The following EXTL3 variants were observed in gnomAD, a reference collection of about 807,000 sequenced individuals.
EXTL3 encodes exostosin like glycosyltransferase 3.
Under a neutral mutation model 69.3 loss-of-function variants are expected in EXTL3, and 27 were observed. The ratio of observed to expected loss-of-function variants is 0.39; its 90% CI spans 0.29 to 0.54. The LOEUF (loss-of-function observed/expected upper bound fraction) is 0.54, where lower values mean the gene tolerates loss of function less well. EXTL3 is among the 20% of genes least tolerant of loss of function. The pLI is 0.69. For missense variants in EXTL3, 1,003 were observed against 1,231.8 expected, an observed-to-expected ratio of 0.81 and a Z score of 2.78; for synonymous variants, 511 against 499.4, an observed-to-expected ratio of 1.02 and a Z score of -0.31.
At chr8:28,731,815 G>A (rs1801544646) in intron 4 of EXTL3, among the ~76,000 whole-genome samples, 1 of 152,082 alleles carries the variant, frequency 6.6e-6, no homozygotes, top group African/African-American at 2.4e-5. Flanking sequence ...AAGATTTGGG[G>A]GAAGGAGGGT....
intron 1 of EXTL3, among the ~76,000 whole-genome samples, chr8:28,643,880 C>G (rs564066605): frequency 3.5e-4 from 53 of 152,292 alleles, no homozygotes; most frequent in Admixed American, 2.9e-3. Flanking sequence ...AACCTCCCCC[C>G]TGAGCCTCCT....
At chr8:28,608,828 C>G (rs1035023807) in intron 2 of EXTL3, among the ~76,000 whole-genome samples, 9 of 152,024 alleles carry the variant, frequency 5.9e-5, no homozygotes, top group African/African-American at 2.2e-4. Flanking sequence ...CACTGTTCTC[C>G]AGGCTGGGAG....
intron 1 of EXTL3, among the ~76,000 whole-genome samples, chr8:28,705,928 T>C (rs1460994848): frequency 6.6e-6 from 1 of 152,262 alleles, no homozygotes; most frequent in Non-Finnish European, 1.5e-5. Flanking sequence ...GAAGTGCCTC[T>C]GTTGGTGTTT....
chr8:28,728,403 A>C (rs988019835), intron 3 of EXTL3, among the ~76,000 whole-genome samples: 5 of 151,936 alleles, frequency 3.3e-5, no homozygotes, highest in Non-Finnish European at 5.9e-5. Context: ...GTGGACTCTG[A>C]GCTTAGGATA....
At chr8:28,654,018 A>G (rs1009904606) in intron 1 of EXTL3, among the ~76,000 whole-genome samples, 1 of 152,206 alleles carries the variant, frequency 6.6e-6, no homozygotes, top group African/African-American at 2.4e-5. Flanking sequence ...ATCCATGAAC[A>G]TGGGATGTCT....
intron 3 of EXTL3, among the ~76,000 whole-genome samples, chr8:28,726,882 T>A (rs1188850500): frequency 8.0e-6 from 1 of 124,542 alleles, no homozygotes; most frequent in Non-Finnish European, 1.7e-5. Context: ...TTCTTTTCTT[T>A]TTTTTTTTTT....
chr8:28,720,393 G>A (rs1585277734), intron 3 of EXTL3, among the ~76,000 whole-genome samples: 1 of 152,136 alleles, frequency 6.6e-6, no homozygotes, highest in Admixed American at 6.5e-5. Context: ...TGGGCAATAC[G>A]GGCTCCTCTT....
chr8:28,612,994 T>C (rs1431714836), intron 2 of EXTL3, among the ~76,000 whole-genome samples: 5 of 151,962 alleles, frequency 3.3e-5, no homozygotes, highest in Admixed American at 1.3e-4. Flanking sequence ...GCTAGGATTA[T>C]AGGTGGGAGT....
intron 2 of EXTL3, among the ~76,000 whole-genome samples, chr8:28,612,699 A>G (rs1806287000): frequency 6.6e-6 from 1 of 151,770 alleles, no homozygotes; most frequent in Non-Finnish European, 1.5e-5. Flanking sequence ...TCTTTAGCCT[A>G]TCGATGTGAT....
intron 2 of EXTL3, among the ~76,000 whole-genome samples, chr8:28,615,370 A>C (rs535422436): frequency 5.3e-4 from 81 of 152,158 alleles, no homozygotes; most frequent in African/African-American, 1.9e-3. Flanking sequence ...AATAATAGTG[A>C]ATTCATCTAT....
chr8:28,673,964 T>C (rs1217497849), intron 1 of EXTL3, among the ~76,000 whole-genome samples: 1 of 152,236 alleles, frequency 6.6e-6, no homozygotes, highest in Non-Finnish European at 1.5e-5. Context: ...AGAGTGCTAA[T>C]AGTCCATAAC....
intron 1 of EXTL3, among the ~76,000 whole-genome samples, chr8:28,654,103 AGTT>A (rs1414811450): frequency 6.6e-6 from 1 of 152,188 alleles, no homozygotes; most frequent in Admixed American, 6.5e-5. Context: ...ATTTTAAGTT[AGTT>A]GTTTGCTGAT....
intron 2 of EXTL3, among the ~76,000 whole-genome samples, chr8:28,617,487 AAAT>A (rs1331178492): frequency 6.6e-6 from 1 of 152,224 alleles, no homozygotes; most frequent in African/African-American, 2.4e-5. Flanking sequence ...CCATAAAAAG[AAAT>A]GAAGATCAGG....
upstream of EXTL3, among the ~76,000 whole-genome samples, chr8:28,620,224 G>A (rs1486609656): frequency 1.3e-5 from 2 of 152,032 alleles, no homozygotes; most frequent in African/African-American, 4.8e-5. Context: ...TGATCCCACA[G>A]TGCCAGGCAG....
intron 1 of EXTL3, among the ~76,000 whole-genome samples, chr8:28,662,132 A>G (rs950462212): frequency 6.6e-6 from 1 of 152,120 alleles, no homozygotes; most frequent in African/African-American, 2.4e-5. Context: ...TGGTATACAA[A>G]GGAATCTCAT....
At chr8:28,640,979 C>T (rs1003253626) in intron 1 of EXTL3, among the ~76,000 whole-genome samples, 1 of 152,002 alleles carries the variant, frequency 6.6e-6, no homozygotes, top group Non-Finnish European at 1.5e-5. Context: ...TTGCTTATAG[C>T]CTCACGTTTT....
At chr8:28,732,512 A>C (rs536010196) in intron 4 of EXTL3, among the ~76,000 whole-genome samples, 18 of 152,240 alleles carry the variant, frequency 1.2e-4, no homozygotes, top group African/African-American at 4.3e-4. Flanking sequence ...CTTCATCACC[A>C]CTGAAAGAAA....
At chr8:28,709,489 C>CT (rs1301019455) in intron 1 of EXTL3, among the ~76,000 whole-genome samples, 1 of 151,936 alleles carries the variant, frequency 6.6e-6, no homozygotes, top group Non-Finnish European at 1.5e-5. Context: ...CCCTTCTTCC[C>CT]TGTCGCGCCT....
chr8:28,624,959 C>T (rs946665612), intron 1 of EXTL3, among the ~76,000 whole-genome samples: 4 of 152,192 alleles, frequency 2.6e-5, no homozygotes, highest in Non-Finnish European at 5.9e-5. Flanking sequence ...AATACACACA[C>T]GTTAGGTTAA....
Sources: allele counts gnomAD v4.1 joint callset (sites outside exome capture counted in the v4.1 genomes callset), GRCh38; gene constraint gnomAD v4.1.1; transcripts MANE v1.5; gene names NCBI Gene and HGNC (gene_info 2026-07-23, HGNC 2026-07-21).